SNAPC1: variants seen among roughly 807,000 people sequenced by gnomAD.
SNAPC1 encodes the protein snRNA-activating protein complex subunit 1.
Under a neutral mutation model 50.1 loss-of-function variants are expected in SNAPC1, and 42 were observed. The observed-to-expected ratio is 0.84, with a 90% CI of 0.65 to 1.08. The LOEUF is 1.08. Ranked by LOEUF, SNAPC1 falls within the 50% of genes least tolerant of loss-of-function variation. SNAPC1 has a pLI of 0.00. For missense variants in SNAPC1, 477 were observed against 427.3 expected (o/e 1.12, Z -1.02); for synonymous variants, 164 against 144.2 (o/e 1.14, Z -0.98).
At chr14:61,787,217 C>T (rs992878668) in intron 8 of SNAPC1, among the ~76,000 whole-genome samples, 27 of 152,182 alleles carry the variant, frequency 1.8e-4, no homozygotes, top group African/African-American at 6.0e-4. Context: ...TGGTAGATTG[C>T]ACAGCCGTGC....
intron 7 of SNAPC1, 56 bp downstream of exon 7, chr14:61,778,966 TC>T: frequency 2.0e-6 from 2 of 976,306 alleles, no homozygotes; most frequent in Non-Finnish European, 3.1e-6. Flanking sequence ...AAATTATATT[TC>T]AATTTTTCAT....
chr14:61,771,700 G>C (rs1028563320), intron 4 of SNAPC1, among the ~76,000 whole-genome samples: 1 of 152,160 alleles, frequency 6.6e-6, no homozygotes, highest in African/African-American at 2.4e-5. Flanking sequence ...GAGAGGTAGC[G>C]AGCAAGGTTC....
intron 7 of SNAPC1, among the ~76,000 whole-genome samples, chr14:61,779,565 T>C (rs2045056938): frequency 6.6e-6 from 1 of 151,982 alleles, no homozygotes; most frequent in African/African-American, 2.4e-5. Context: ...GTTTGTTTTA[T>C]TTTTTTAAAT....
At position 61,763,808 on chromosome 14, in the gene SNAPC1, T is replaced by G. The variant is rs559019095; in HGVS notation, c.128+1220T>G. ...ATTTGATTGCAGGGTCCGCTATGAC[T>G]TGGGGCAAGTTACTTGAGTTTCCAT... On this transcript the variant is annotated intron_variant, in intron 1 of 9. Coordinates refer to ENST00000216294, the MANE Select transcript of SNAPC1 (RefSeq NM_003082.4). Among the ~76,000 whole-genome samples, 3 of 152,318 alleles carry G rather than the reference T, an allele frequency of 2.0e-5. No homozygotes were observed. The South Asian group carries it at 6.2e-4, about 32-fold the overall frequency.
chr14:61,777,992 A>T, intron 5 of SNAPC1, 80 bp from the exon 6 acceptor site: 1 of 634,110 alleles, frequency 1.6e-6, no homozygotes, highest in South Asian at 2.5e-5. Context: ...ATTTCTCACC[A>T]TTCTAAAATT....
intron 8 of SNAPC1, among the ~76,000 whole-genome samples, chr14:61,784,833 C>T (rs530704181): frequency 2.0e-5 from 3 of 152,008 alleles, no homozygotes; most frequent in Non-Finnish European, 1.5e-5. Context: ...TAACGTTGCT[C>T]TTAAAGAGCT....
chr14:61,784,534 T>G (rs926293253), intron 8 of SNAPC1, among the ~76,000 whole-genome samples: 2 of 152,152 alleles, frequency 1.3e-5, no homozygotes, highest in Non-Finnish European at 2.9e-5. Flanking sequence ...GTAAATAGTT[T>G]AGGTTTTGTG....
chr14:61,774,913 T>C (rs1490472654), intron 4 of SNAPC1, among the ~76,000 whole-genome samples: 1 of 152,118 alleles, frequency 6.6e-6, no homozygotes, highest in African/African-American at 2.4e-5. Context: ...TCTGCCCACC[T>C]TGGCCTCCAA....
At chr14:61,775,533 T>C (rs952401601) in intron 4 of SNAPC1, among the ~76,000 whole-genome samples, 9 of 152,062 alleles carry the variant, frequency 5.9e-5, no homozygotes, top group Non-Finnish European at 1.3e-4. Context: ...GGATTATAGG[T>C]GTGAGCCACC....
In SNAPC1 at chr14:61,776,137, G is replaced by A; in HGVS notation, c.577G>A (p.Val193Ile). ...VHDHYQNMKH[V>I]ISVDKSKPDK... ...TGATCATTATCAGAACATGAAACATGTAATTTCAGTTGATAAGTCCAAGCC... is the reference window on the plus strand; with the variant it reads ...TGATCATTATCAGAACATGAAACATATAATTTCAGTTGATAAGTCCAAGCC... Residue 193 changes from valine to isoleucine, a missense_variant, in exon 5 of 10, where the codon GTA becomes ATA. Val to Ile is a conservative substitution (Grantham distance 29). Transcript: ENST00000216294. 1 of 1,607,414 alleles carries A rather than the reference G, an allele frequency of 6.2e-7. No individual in the cohort carries two copies. Among genetic ancestry groups the A allele is most frequent in the Non-Finnish European group, 8.5e-7 (1 of 1,178,636 alleles).
chr14:61,796,270 G>A lies in SNAPC1; in HGVS notation c.*1287G>A, dbSNP rs2045189301. On this transcript the variant is annotated 3_prime_UTR_variant, in exon 10 of 10. Transcript: ENST00000216294. ...GAATGGTGTGAACCCAGTGAGCCGAGATCGTGCCACTGCACTCCAGCCTGG... is the reference window on the plus strand; with the variant it reads ...GAATGGTGTGAACCCAGTGAGCCGAAATCGTGCCACTGCACTCCAGCCTGG... The A allele has an allele frequency of 6.6e-6, 1 of 151,394 alleles. No homozygotes were observed. Among genetic ancestry groups the A allele is most frequent in the South Asian group, 2.1e-4 (1 of 4,818 alleles). 9.4% of individuals were successfully genotyped at this position (151,394 alleles called of 1,614,324 possible). A position where few individuals can be genotyped will look rare whatever the true frequency, so the allele number is the denominator to read the frequency against.
Position 61,762,564 on chromosome 14 carries a change from A to G in SNAPC1, c.104A>G (p.Asn35Ser), listed in dbSNP as rs1013409830. 6.5e-7 allele frequency: 1 copy of G among 1,536,592 alleles called. No homozygotes were observed. The highest frequency in any genetic ancestry group is 2.4e-5 in the East Asian group (1 of 40,964). Reference sequence around the variant, plus strand: ...GAGGACTTCACGGAGCTCTGGAGAAACATGAAGTTCGGGACTATCTTCTGG... The same window carrying G: ...GAGGACTTCACGGAGCTCTGGAGAAGCATGAAGTTCGGGACTATCTTCTGG... ...RFEDFTELWR[N>S]MKFGTIFCGR... Residue 35 changes from asparagine (N) to serine (S), a missense_variant, in exon 1 of 10, where the codon AAC becomes AGC. By Grantham distance (46) the Asn-to-Ser change is conservative. Coordinates refer to ENST00000216294, the MANE Select transcript of SNAPC1 (RefSeq NM_003082.4).
chr14:61,778,051 G>A (rs1179845269), intron 5 of SNAPC1, 21 bp from the exon 6 acceptor site: 1 of 1,343,618 alleles, frequency 7.4e-7, no homozygotes, highest in Non-Finnish European at 1.1e-6. Context: ...ATGTGTGTAT[G>A]TATCTTTTTT....
chr14:61,779,429 GTC>G (rs2045056135), intron 7 of SNAPC1, among the ~76,000 whole-genome samples: 3 of 151,414 alleles, frequency 2.0e-5, no homozygotes, highest in Non-Finnish European at 4.4e-5. Flanking sequence ...TCTATTTCCA[GTC>G]TCTGTCTCAT....
intron 8 of SNAPC1, among the ~76,000 whole-genome samples, 165 bp downstream of exon 8, chr14:61,782,562 T>C (rs1415183324): frequency 1.3e-5 from 2 of 152,206 alleles, no homozygotes; most frequent in South Asian, 2.1e-4. Context: ...TGGAATCTTA[T>C]TGCTTGAAAG....
intron 5 of SNAPC1, 47 bp downstream of exon 5, chr14:61,776,300 T>C (rs933678769): frequency 1.1e-5 from 17 of 1,510,086 alleles, no homozygotes; most frequent in Non-Finnish European, 1.5e-5. Context: ...TTTACACGAA[T>C]GTTTATCCGT....
intron 8 of SNAPC1, among the ~76,000 whole-genome samples, chr14:61,782,878 C>G (rs879824265): frequency 6.6e-6 from 1 of 152,022 alleles, no homozygotes; most frequent in Non-Finnish European, 1.5e-5. Context: ...TTCACTCCAG[C>G]ATAGGTGACA....
At chr14:61,792,109 A>G (rs1261308939) in intron 8 of SNAPC1, among the ~76,000 whole-genome samples, 1 of 147,328 alleles carries the variant, frequency 6.8e-6, no homozygotes, top group East Asian at 1.9e-4. Flanking sequence ...TTAAAAAAGA[A>G]AAAAAAAAAA....
At chr14:61,773,168 AAG>A (rs71995546) in intron 4 of SNAPC1, among the ~76,000 whole-genome samples, 24,371 of 152,154 alleles carry the variant, frequency 0.16, 2,155 homozygotes, top group African/African-American at 0.2. Context: ...ATAAAATGAA[AAG>A]AGAACAGGAT....
Sources: gnomAD v4.1 joint callset for allele counts (sites outside exome capture counted in the v4.1 genomes callset) on GRCh38, gnomAD v4.1.1 for gene constraint, MANE v1.5 for transcripts, NCBI Gene and HGNC (gene_info 2026-07-23, HGNC 2026-07-21) for gene names.